Variants in ARMC2 observed in about 807,000 individuals in gnomAD.
The protein encoded by ARMC2 is armadillo repeat-containing protein 2.
In ARMC2, 67 loss-of-function variants were observed where a neutral mutation model predicts 90.3. That is an observed-to-expected ratio of 0.74 (90% CI 0.61 to 0.91). The LOEUF is 0.91. ARMC2 is among the 40% of genes least tolerant of loss of function. ARMC2 has a pLI of 0.00. For missense variants in ARMC2, 920 were observed against 1,030.9 expected (o/e 0.89, Z 1.47); for synonymous variants, 393 against 393.0 (o/e 1.00, Z 0.00).
chr6:109,030,938 T>G, the ARMC2 span, among the ~76,000 whole-genome samples: 1 of 152,216 alleles, frequency 6.6e-6, no homozygotes, highest in South Asian at 2.1e-4. Flanking sequence ...ACTACTCAAC[T>G]GTTTAAAATG....
the ARMC2 span, among the ~76,000 whole-genome samples, chr6:108,993,666 TATAG>T: frequency 2.6e-5 from 4 of 152,206 alleles, no homozygotes; most frequent in East Asian, 7.7e-4. Flanking sequence ...GTAGCCTGCA[TATAG>T]ATAAAGGTTA....
intron 12 of ARMC2, among the ~76,000 whole-genome samples, chr6:108,947,042 G>T (rs1245879146): frequency 6.6e-6 from 1 of 152,206 alleles, no homozygotes; most frequent in African/African-American, 2.4e-5. Context: ...TGAGCAAAGG[G>T]AAGAGCTGTG....
chr6:108,857,482 T>C (rs1179855402), intron 2 of ARMC2, among the ~76,000 whole-genome samples: 1 of 152,194 alleles, frequency 6.6e-6, no homozygotes, highest in African/African-American at 2.4e-5. Flanking sequence ...TCCGTCCCAA[T>C]CTGTATGCTT....
Position 108,964,398 on chromosome 6 carries a change from G to A in ARMC2, c.2285+86G>A, listed in dbSNP as rs893596484. The A allele has an allele frequency of 9.6e-6, 14 of 1,452,032 alleles. No homozygotes were observed. The African/African-American group carries it at 1.7e-4, about 18-fold the overall frequency. 89.9% of individuals were successfully genotyped at this position (1,452,032 alleles called of 1,614,324 possible). A position where few individuals can be genotyped will look rare whatever the true frequency, so the allele number is the denominator to read the frequency against. ...GAGCTTTGGCCCTTTCATCATTCCT[G>A]TGGGGCAAAGGTATTTCAACATTGG... On this transcript the variant is annotated intron_variant, in intron 16 of 17. Transcript: ENST00000392644.
At chr6:108,886,561 A>G (rs1395215746) in intron 5 of ARMC2, among the ~76,000 whole-genome samples, 3 of 152,096 alleles carry the variant, frequency 2.0e-5, no homozygotes, top group Non-Finnish European at 4.4e-5. Flanking sequence ...ACAGAGCGAT[A>G]CTCGTCTCAC....
chr6:108,930,683 G>A (rs554642652), intron 11 of ARMC2, among the ~76,000 whole-genome samples: 12 of 141,002 alleles, frequency 8.5e-5, no homozygotes, highest in African/African-American at 2.9e-4. Context: ...TGCAAGCTTC[G>A]CCTCCCAGGT....
Position 108,973,609 on chromosome 6 carries a change from T to C in ARMC2, c.*95T>C. 7.7e-7 allele frequency: 1 copy of C among 1,291,148 alleles called. No homozygotes were observed. Among genetic ancestry groups the C allele is most frequent in the East Asian group, 2.4e-5 (1 of 41,432 alleles). The allele number at this position is 1,291,148 out of a possible 1,614,324, so 80.0% of individuals were successfully genotyped here. A position where few individuals can be genotyped will look rare whatever the true frequency, so the allele number is the denominator to read the frequency against. On this transcript the variant is annotated 3_prime_UTR_variant, in exon 18 of 18. Transcript: ENST00000392644. Reference sequence around the variant, plus strand: ...GAACATTTTTTTCAGCATTAACAAATGTGGAAAGTTTTTCAAGAACTGGTT... The same window carrying C: ...GAACATTTTTTTCAGCATTAACAAACGTGGAAAGTTTTTCAAGAACTGGTT...
At position 108,886,907 on chromosome 6, in the gene ARMC2, G is replaced by GTT. The variant is rs756169770; in HGVS notation, c.672-7550_672-7549dup. 2.8e-3 allele frequency among the ~76,000 whole-genome samples: 405 copies of GTT among 144,736 alleles called. 1 individual carries two copies. The highest frequency in any genetic ancestry group is 6.8e-3 in the Admixed American group (98 of 14,508). The allele number at this position is 144,736 out of a possible 152,430, so 95.0% of individuals were successfully genotyped here. ...AGTTTTTTTTTTGTTTGTTTGTTTT[G>GTT]TTTTTTTTTTTGAGACAGAGCCTCA... is the stretch of plus-strand genomic sequence containing the variant. On this transcript the variant is annotated intron_variant, in intron 5 of 17. Transcript: ENST00000392644.
the ARMC2 span, among the ~76,000 whole-genome samples, chr6:109,038,415 C>T: frequency 6.6e-6 from 1 of 152,232 alleles, no homozygotes; most frequent in Non-Finnish European, 1.5e-5. Flanking sequence ...TTGCTTGAAC[C>T]TGGTTGTCAG....
At chr6:108,890,302 A>C (rs768995308) in intron 5 of ARMC2, among the ~76,000 whole-genome samples, 1 of 151,228 alleles carries the variant, frequency 6.6e-6, no homozygotes, top group African/African-American at 2.4e-5. Flanking sequence ...CTTTAGCTCA[A>C]TAAGATTTGA....
At chr6:109,009,932 A>G in the ARMC2 span, among the ~76,000 whole-genome samples, 2 of 152,114 alleles carry the variant, frequency 1.3e-5, no homozygotes. Context: ...TGACAGCACC[A>G]GGAGTAATGA....
At chr6:108,865,248 G>T (rs528810526) in intron 3 of ARMC2, among the ~76,000 whole-genome samples, 1 of 152,260 alleles carries the variant, frequency 6.6e-6, no homozygotes, top group African/African-American at 2.4e-5. Context: ...CTCCCAAAGT[G>T]CTGGGATTAC....
At chr6:109,043,115 G>GA in the ARMC2 span, among the ~76,000 whole-genome samples, 1 of 152,164 alleles carries the variant, frequency 6.6e-6, no homozygotes, top group South Asian at 2.1e-4. Flanking sequence ...AATTGATGCA[G>GA]AAAAACATTT....
chr6:109,043,386 C>A, the ARMC2 span, among the ~76,000 whole-genome samples: 18 of 151,920 alleles, frequency 1.2e-4, no homozygotes, highest in African/African-American at 1.7e-4. Flanking sequence ...AGATAAAAAA[C>A]AACAACAACA....
At chr6:108,916,620 G>A (rs1282563350) in intron 10 of ARMC2, among the ~76,000 whole-genome samples, 1 of 152,104 alleles carries the variant, frequency 6.6e-6, no homozygotes, top group Non-Finnish European at 1.5e-5. Flanking sequence ...CAGAAATATA[G>A]GCCAACTAAC....
chr6:109,022,525 C>T, the ARMC2 span, among the ~76,000 whole-genome samples: 3 of 146,606 alleles, frequency 2.0e-5, no homozygotes, highest in East Asian at 6.4e-4. Flanking sequence ...CGGGTTCATG[C>T]CATTCTCCTG....
chr6:108,990,213 G>A, the ARMC2 span, among the ~76,000 whole-genome samples: 2 of 151,948 alleles, frequency 1.3e-5, no homozygotes, highest in Non-Finnish European at 2.9e-5. Flanking sequence ...TTTTGATTAC[G>A]TATTATGAGA....
chr6:109,005,451 C>T, the ARMC2 span, among the ~76,000 whole-genome samples: 3 of 152,000 alleles, frequency 2.0e-5, no homozygotes, highest in Admixed American at 1.3e-4. Context: ...AAAAATGTGG[C>T]CAGATTGACA....
the ARMC2 span, among the ~76,000 whole-genome samples, chr6:108,994,995 C>T: frequency 2.6e-5 from 4 of 152,126 alleles, no homozygotes; most frequent in African/African-American, 9.7e-5. Flanking sequence ...TGAGCCACTG[C>T]ACCTGGCCAG....
Sources: gnomAD v4.1 joint callset for allele counts (sites outside exome capture counted in the v4.1 genomes callset) on GRCh38, gnomAD v4.1.1 for gene constraint, MANE v1.5 for transcripts, NCBI Gene and HGNC (gene_info 2026-07-23, HGNC 2026-07-21) for gene names.